KDM3A: variants seen among roughly 807,000 people sequenced by gnomAD.
KDM3A encodes lysine demethylase 3A, also known as lysine-specific demethylase 3A.
A neutral mutation model predicts 158.0 loss-of-function variants in KDM3A; 60 were observed. That is an observed-to-expected ratio of 0.38 (90% CI 0.31 to 0.47). The LOEUF is 0.47. Ranked by LOEUF, KDM3A falls within the 20% of genes least tolerant of loss-of-function variation. KDM3A has a pLI of 0.99. For missense variants in KDM3A, 1,319 were observed against 1,574.3 expected, an observed-to-expected ratio of 0.84 and a Z score of 2.74; for synonymous variants, 608 against 549.3, an observed-to-expected ratio of 1.11 and a Z score of -1.49.
At chr2:86,478,145 G>A (rs370077087) in intron 13 of KDM3A, 25 bp from the exon 14 acceptor site, 3 of 1,610,882 alleles carry the variant, frequency 1.9e-6, no homozygotes, top group Admixed American at 3.3e-5. Flanking sequence ...GTAAAGAACA[G>A]TTACTACAAA....
upstream of KDM3A, chr2:86,440,619 C>G (rs1682646408): frequency 6.6e-6 from 1 of 152,202 alleles, no homozygotes; most frequent in Non-Finnish European, 1.5e-5. Context: ...ATTTAAAGGT[C>G]TCTTTTGCTC....
At chr2:86,479,004 C>T in intron 15 of KDM3A, 1 of 266,490 alleles carries the variant, frequency 3.8e-6, no homozygotes, top group Non-Finnish European at 7.0e-6. Context: ...CTAAAGTAGT[C>T]TACCTAATAA....
At chr2:86,465,938 C>A (rs1448316945) in intron 9 of KDM3A, among the ~76,000 whole-genome samples, 589 of 117,484 alleles carry the variant, frequency 5.0e-3, no homozygotes, top group South Asian at 8.7e-3. Context: ...AATTTACACA[C>A]AAAAAAAAAA....
In KDM3A at chr2:86,446,235, A is replaced by T. The variant is rs551357885; in HGVS notation, c.187-3572A>T. 6.6e-4 allele frequency among the ~76,000 whole-genome samples: 101 copies of T among 152,328 alleles called. 1 individual carries two copies. The highest frequency in any genetic ancestry group is 6.3e-3 in the Admixed American group (96 of 15,304). On this transcript the variant is annotated intron_variant, in intron 2 of 25. Transcript: ENST00000312912. ...CCATTAAAAGAAGAGCAGATTTCAC[A>T]ATTATAGGTAGTGAATCATAGTTGA...
intron 25 of KDM3A, 123 bp downstream of exon 25, chr2:86,491,398 G>C: frequency 2.1e-6 from 2 of 951,958 alleles, no homozygotes; most frequent in Non-Finnish European, 3.2e-6. Flanking sequence ...GTGAGTCGAG[G>C]AACTTGCTTT....
In KDM3A at chr2:86,451,123, C is replaced by T; in HGVS notation, c.363C>T (p.Asp121=). Residue 121 remains aspartate, a synonymous_variant, in exon 4 of 26, where the codon GAC becomes GAT. Transcript: ENST00000312912. ...TTTAGACGTACAAACCTCTGTTGGA[C>T]AAAGCTGGTTTGGGATCCATAACTT... The part of the protein sequence containing the change: ...WPAITYKPLL[D]KAGLGSITSV... 1 of 1,609,056 alleles carries T rather than the reference C, an allele frequency of 6.2e-7. No individual in the cohort carries two copies. The highest frequency in any genetic ancestry group is 8.5e-7 in the Non-Finnish European group (1 of 1,178,376).
At chr2:86,449,755 T>G (rs1184811742) in intron 2 of KDM3A, 52 bp from the exon 3 acceptor site, 3 of 1,549,428 alleles carry the variant, frequency 1.9e-6, no homozygotes, top group Non-Finnish European at 2.6e-6. Context: ...TTGTAATGCT[T>G]ATTTTAATAA....
chr2:86,464,052 G>A lies in KDM3A; in HGVS notation c.844-1G>A. ...ATATCTGTTGGTTTGGTATCTTCTA[G>A]GCCTCTCCCAGTATGTGTCCTGTGC... On this transcript the variant is annotated splice_acceptor_variant, in intron 8 of 25. Transcript: ENST00000312912. LOFTEE classifies it high-confidence loss of function. 6.4e-7 allele frequency: 1 copy of A among 1,561,556 alleles called. No individual in the cohort carries two copies. Among genetic ancestry groups the A allele is most frequent in the African/African-American group, 1.4e-5 (1 of 72,784 alleles).
chr2:86,449,378 G>T (rs1360623427), intron 2 of KDM3A, among the ~76,000 whole-genome samples: 1 of 152,144 alleles, frequency 6.6e-6, no homozygotes, highest in Non-Finnish European at 1.5e-5. Flanking sequence ...TGTGGTGATG[G>T]GGGGTCATCT....
chr2:86,441,540 C>G (rs555872780), intron 1 of KDM3A, 96 bp downstream of exon 1: 1 of 150,668 alleles, frequency 6.6e-6, no homozygotes, highest in Non-Finnish European at 1.5e-5. Context: ...GGCGCAGGCC[C>G]GGGAGACGGG....
intron 2 of KDM3A, 68 bp downstream of exon 2, chr2:86,442,301 C>T (rs1362327033): frequency 4.9e-6 from 7 of 1,434,288 alleles, no homozygotes; most frequent in East Asian, 2.4e-5. Flanking sequence ...ACCATCGGTT[C>T]CCTCCTTCCG....
chr2:86,459,573 A>G (rs1672842580), intron 8 of KDM3A, among the ~76,000 whole-genome samples: 1 of 151,990 alleles, frequency 6.6e-6, no homozygotes, highest in African/African-American at 2.4e-5. Context: ...TCTGGGGTGC[A>G]AGCAGAACTG....
intron 9 of KDM3A, among the ~76,000 whole-genome samples, chr2:86,465,568 A>C (rs956673764): frequency 6.6e-6 from 1 of 151,854 alleles, no homozygotes; most frequent in Non-Finnish European, 1.5e-5. Context: ...CCACCACACC[A>C]GGCTAATTTT....
chr2:86,445,659 C>A (rs992351646), intron 2 of KDM3A, among the ~76,000 whole-genome samples: 3 of 152,280 alleles, frequency 2.0e-5, no homozygotes, highest in South Asian at 4.1e-4. Flanking sequence ...CAATTTGGTG[C>A]CTTGACTAAT....
In KDM3A at chr2:86,442,105, C is replaced by G. The variant is rs768165732; in HGVS notation, c.58C>G (p.Leu20Val). The change falls in exon 2 of 26, where the codon CTG becomes GTG. Residue 20 changes from leucine (L) to valine (V), a missense_variant. Physicochemically the swap from Leu to Val is conservative, Grantham distance 32. Coordinates refer to ENST00000312912, the MANE Select transcript of KDM3A (RefSeq NM_018433.6). ...PVLVGRRFLS[L>V]SAADGSDGSH... is the part of the protein sequence containing the mutation. The stretch of plus-strand genomic sequence containing the variant: ...ATTGGTGGGGAGGAGGTTTCTCAGT[C>G]TGTCCGCAGCCGACGGCAGCGATGG... 6.2e-7 allele frequency: 1 copy of G among 1,614,158 alleles called. No individual in the cohort carries two copies. The highest frequency in any genetic ancestry group is 8.5e-7 in the Non-Finnish European group (1 of 1,180,032).
chr2:86,478,606 A>G lies in KDM3A; in HGVS notation c.2189-2A>G. On this transcript the variant is annotated splice_acceptor_variant, in intron 14 of 25. Transcript: ENST00000312912. LOFTEE classifies it high-confidence loss of function. ...AGATGTTTGCCTCTGCCCTTTCTTT[A>G]GCACTCTATGATGTTGGAGACATTG... 1 of 1,613,946 alleles carries G rather than the reference A, an allele frequency of 6.2e-7. No homozygotes were observed. The highest frequency in any genetic ancestry group is 8.5e-7 in the Non-Finnish European group (1 of 1,179,928).
At position 86,442,003 on chromosome 2, in the gene KDM3A, T is replaced by C. The variant is rs1573130383; in HGVS notation, c.-30-15T>C. On this transcript the variant is annotated splice_polypyrimidine_tract_variant and intron_variant, in intron 1 of 25. Transcript: ENST00000312912. Reference sequence around the variant, plus strand: ...CCGGCCGCCCCCGTCGCATTTTGTTTTTGTGTTTTTGCAGGGAGGAGCTCT... The same window carrying C: ...CCGGCCGCCCCCGTCGCATTTTGTTCTTGTGTTTTTGCAGGGAGGAGCTCT... 1.3e-6 allele frequency: 2 copies of C among 1,599,434 alleles called. No homozygotes were observed. The highest frequency in any genetic ancestry group is 3.7e-4 in the Middle Eastern group (2 of 5,466).
chr2:86,483,137 G>T, intron 18 of KDM3A: 1 of 159,914 alleles, frequency 6.3e-6, no homozygotes, highest in Non-Finnish European at 1.4e-5. Flanking sequence ...TAGTCCCCAG[G>T]TGCCTGCTTC....
At chr2:86,474,665 A>C in intron 11 of KDM3A, 111 bp from the exon 12 acceptor site, 7 of 373,716 alleles carry the variant, frequency 1.9e-5, no homozygotes, top group Non-Finnish European at 2.6e-5. Context: ...CTCCATCCCA[A>C]AAAAAAAAAA....
Sources: allele counts gnomAD v4.1 joint callset (sites outside exome capture counted in the v4.1 genomes callset), GRCh38; gene constraint gnomAD v4.1.1; transcripts MANE v1.5; gene names NCBI Gene and HGNC (gene_info 2026-07-23, HGNC 2026-07-21).